Variants in KALRN observed in about 807,000 individuals in gnomAD.
KALRN encodes kalirin RhoGEF kinase, also known as kalirin.
KALRN carries 70 observed loss-of-function variants against 353.7 expected under a neutral mutation model. The observed-to-expected ratio is 0.20, with a 90% CI of 0.16 to 0.24. The LOEUF is 0.24. Ranked by LOEUF, KALRN falls within the 10% of genes least tolerant of loss-of-function variation. The probability of loss-of-function intolerance (pLI) is 1.00; values close to 1 mark genes in which losing one functional copy is unlikely to be tolerated. For synonymous variants in KALRN, 1,391 were observed against 1,434.8 expected (o/e 0.97, Z 0.69); for missense variants, 2,791 against 3,756.7 (o/e 0.74, Z 6.72).
intron 1 of KALRN, among the ~76,000 whole-genome samples, chr3:124,056,400 G>A (rs1171931319): frequency 6.6e-6 from 1 of 152,150 alleles, no homozygotes; most frequent in Non-Finnish European, 1.5e-5. Flanking sequence ...AGCCTGGAGA[G>A]GGGATTCCTG....
In KALRN at chr3:124,455,316, A is replaced by T; in HGVS notation, c.3692A>T (p.Lys1231Met). The T allele has an allele frequency of 6.2e-7, 1 of 1,614,168 alleles. No individual in the cohort carries two copies. The highest frequency in any genetic ancestry group is 2.2e-5 in the East Asian group (1 of 44,874). The change falls in exon 22 of 60, where the codon AAG (lysine) becomes ATG (methionine). Residue 1231 changes from lysine (K) to methionine (M), a missense_variant. Lys to Met is a moderately conservative substitution (Grantham distance 95, BLOSUM62 -1). Transcript: ENST00000682506. ...AGAGATTTCTCCCTGAGGATGGGAAAGTACCGATACTCACTGGAGAAAGCC... is the reference window on the plus strand; with the variant it reads ...AGAGATTTCTCCCTGAGGATGGGAATGTACCGATACTCACTGGAGAAAGCC... ...HYRDFSLRMG[K>M]YRYSLEKALG...
At chr3:124,475,503 T>C (rs1200317921) in intron 26 of KALRN, among the ~76,000 whole-genome samples, 1 of 152,200 alleles carries the variant, frequency 6.6e-6, no homozygotes. Flanking sequence ...AGTGCAAACA[T>C]GGAAATCCTC....
intron 13 of KALRN, chr3:124,410,291 A>T (rs372113480): frequency 3.8e-6 from 2 of 532,308 alleles, no homozygotes; most frequent in African/African-American, 3.9e-5. Context: ...CCTCAGACTC[A>T]GTTTCACAGA....
intron 51 of KALRN, among the ~76,000 whole-genome samples, chr3:124,693,457 A>G (rs1370381087): frequency 6.6e-6 from 1 of 152,138 alleles, no homozygotes; most frequent in East Asian, 1.9e-4. Context: ...CATAATGACC[A>G]AGAGAGTGGG....
chr3:124,580,994 T>C (rs549767920), intron 34 of KALRN, among the ~76,000 whole-genome samples: 1 of 142,250 alleles, frequency 7.0e-6, no homozygotes, highest in Non-Finnish European at 1.6e-5. Flanking sequence ...AGGATTTCCT[T>C]GTTAGGTTAT....
At chr3:124,630,202 G>C (rs994141353) in intron 34 of KALRN, among the ~76,000 whole-genome samples, 4 of 152,150 alleles carry the variant, frequency 2.6e-5, no homozygotes, top group African/African-American at 9.7e-5. Context: ...ATTAAATAAA[G>C]TTTGCTCAAT....
intron 25 of KALRN, among the ~76,000 whole-genome samples, chr3:124,467,953 G>A (rs2060501612): frequency 6.6e-6 from 1 of 151,944 alleles, no homozygotes; most frequent in Admixed American, 6.6e-5. Flanking sequence ...AGGTAGGTAG[G>A]GTAGGTAGTC....
intron 1 of KALRN, among the ~76,000 whole-genome samples, chr3:124,180,182 T>C (rs571963876): frequency 1.4e-4 from 21 of 152,318 alleles, no homozygotes; most frequent in Admixed American, 5.9e-4. Flanking sequence ...CCTTCCCCAC[T>C]GGGGCTATTT....
At chr3:124,215,241 G>C (rs1042976501) in intron 1 of KALRN, among the ~76,000 whole-genome samples, 1 of 152,176 alleles carries the variant, frequency 6.6e-6, no homozygotes, top group Non-Finnish European at 1.5e-5. Context: ...GGGCACCTGG[G>C]TAGGGGAGCA....
chr3:124,398,905 G>A (rs1430252543), intron 13 of KALRN, 34 bp downstream of exon 13: 3 of 1,564,282 alleles, frequency 1.9e-6, no homozygotes, highest in Admixed American at 1.8e-5. Context: ...GTGGAGAGGG[G>A]CCAAGAAGTG....
At chr3:124,507,237 G>C (rs80057318) in intron 33 of KALRN, among the ~76,000 whole-genome samples, 1 of 151,964 alleles carries the variant, frequency 6.6e-6, no homozygotes, top group African/African-American at 2.4e-5. Context: ...AAATGAGAAC[G>C]GTCACGGTTC....
chr3:124,343,943 C>T (rs2082019715), intron 9 of KALRN, among the ~76,000 whole-genome samples: 1 of 152,192 alleles, frequency 6.6e-6, no homozygotes, highest in Non-Finnish European at 1.5e-5. Flanking sequence ...TATGTGAATA[C>T]TTATATACCC....
chr3:124,364,603 T>C (rs560317575), intron 10 of KALRN, among the ~76,000 whole-genome samples: 1 of 152,320 alleles, frequency 6.6e-6, no homozygotes, highest in African/African-American at 2.4e-5. Context: ...GAACAGTCCT[T>C]AGTGGCTATG....
At chr3:124,232,920 A>G (rs1242160384) in intron 2 of KALRN, among the ~76,000 whole-genome samples, 1 of 152,158 alleles carries the variant, frequency 6.6e-6, no homozygotes, top group Non-Finnish European at 1.5e-5. Context: ...TTTCCTGAGC[A>G]TAGTGTCCAT....
intron 1 of KALRN, among the ~76,000 whole-genome samples, chr3:124,197,127 T>C (rs1194374531): frequency 6.6e-6 from 1 of 152,228 alleles, no homozygotes; most frequent in Non-Finnish European, 1.5e-5. Flanking sequence ...TTGCAAACCC[T>C]GTCGTTTACC....
intron 34 of KALRN, among the ~76,000 whole-genome samples, chr3:124,628,473 C>CCCTTCCTTT (rs1405266340): frequency 6.8e-5 from 6 of 88,358 alleles, no homozygotes; most frequent in African/African-American, 2.7e-4. Context: ...TCCCTTCCTT[C>CCCTTCCTTT]CCTTCCTTCC....
At chr3:124,227,024 G>A (rs979188992) in intron 1 of KALRN, among the ~76,000 whole-genome samples, 2 of 152,144 alleles carry the variant, frequency 1.3e-5, no homozygotes, top group African/African-American at 4.8e-5. Context: ...TCCCTGTGGG[G>A]TTCTTAGGTT....
intron 1 of KALRN, among the ~76,000 whole-genome samples, chr3:124,091,578 G>T (rs1373405960): frequency 6.6e-6 from 1 of 152,170 alleles, no homozygotes; most frequent in Non-Finnish European, 1.5e-5. Context: ...AAGGAACATC[G>T]AAGAGAAAGG....
chr3:124,449,748 T>C (rs894966357), intron 21 of KALRN, among the ~76,000 whole-genome samples: 3 of 152,220 alleles, frequency 2.0e-5, no homozygotes, highest in Non-Finnish European at 2.9e-5. Context: ...GCTTTCAGTC[T>C]CTATGGGTTT....
Sources: allele counts gnomAD v4.1 joint callset (sites outside exome capture counted in the v4.1 genomes callset), GRCh38; gene constraint gnomAD v4.1.1; transcripts MANE v1.5; gene names NCBI Gene and HGNC (gene_info 2026-07-23, HGNC 2026-07-21).